The following C1RL variants were observed in gnomAD, a reference collection of about 807,000 sequenced individuals.
C1RL encodes the protein complement C1r subcomponent like.
Under a neutral mutation model 27.9 loss-of-function variants are expected in C1RL, and 27 were observed. The observed-to-expected ratio is 0.97, with a 90% CI of 0.71 to 1.33. C1RL has a LOEUF of 1.33. Ranked by LOEUF, C1RL falls within the 40% of genes most tolerant of loss-of-function variation. The pLI is 0.00. For missense variants in C1RL, 563 were observed against 623.9 expected, an observed-to-expected ratio of 0.90 and a Z score of 1.04; for synonymous variants, 248 against 252.1, an observed-to-expected ratio of 0.98 and a Z score of 0.15.
intron 1 of C1RL, 38 bp downstream of exon 1, chr12:7,109,072 C>T (rs752058498): frequency 8.6e-6 from 13 of 1,505,222 alleles, no homozygotes; most frequent in South Asian, 2.4e-5. Flanking sequence ...CTTCCCCTCC[C>T]GTCCTCTTCC....
rs377513968 is a variant in C1RL at position 7,096,310 on chromosome 12, C to T, written c.*81G>A. The T allele has an allele frequency of 2.5e-5, 34 of 1,381,962 alleles. No homozygotes were observed. The African/African-American group carries it at 2.5e-4, about 10-fold the overall frequency. 85.6% of individuals were successfully genotyped at this position (1,381,962 alleles called of 1,614,324 possible). A position where few individuals can be genotyped will look rare whatever the true frequency, so the allele number is the denominator to read the frequency against. On this transcript the variant is annotated 3_prime_UTR_variant, in exon 6 of 6. Coordinates refer to ENST00000266542, the MANE Select transcript of C1RL (RefSeq NM_016546.4). ...CAACCCCCCACCCCCAACCCCTACC[C>T]CAGTGTTCAGTCCTCACTCCAGGCC...
intron 5 of C1RL, 99 bp downstream of exon 5, chr12:7,099,587 C>G (rs1270911264): frequency 6.7e-7 from 1 of 1,485,668 alleles, no homozygotes; most frequent in African/African-American, 1.4e-5. Flanking sequence ...TTCTTATCTT[C>G]CTTTCTATTC....
intron 2 of C1RL, among the ~76,000 whole-genome samples, chr12:7,106,481 C>T (rs1485135008): frequency 6.6e-6 from 1 of 151,798 alleles, no homozygotes; most frequent in African/African-American, 2.4e-5. Flanking sequence ...AAAGGAAATC[C>T]CCAGAAAGAG....
Position 7,096,453 on chromosome 12 carries a change from A to G in C1RL, c.1402T>C (p.Phe468Leu), listed in dbSNP as rs541295800. 2 of 1,613,970 alleles carry G rather than the reference A, an allele frequency of 1.2e-6. No homozygotes were observed. Among genetic ancestry groups the G allele is most frequent in the East Asian group, 4.5e-5 (2 of 44,886 alleles). The change falls in exon 6 of 6, where the codon TTC becomes CTC. Residue 468 changes from phenylalanine (F) to leucine (L), a missense_variant. Phe to Leu is a conservative substitution (Grantham distance 22). Transcript: ENST00000266542. The stretch of plus-strand genomic sequence containing the variant: ...ACATAGCTGAGCACCTTGGTGTAGA[A>G]GTCATACCCTTCGCCACACCCTATG... ...WGIGCGEGYDFYTKVLSYVDW... is the reference protein window; with the variant it reads ...WGIGCGEGYDLYTKVLSYVDW...
In C1RL at chr12:7,096,699, T is replaced by A; in HGVS notation, c.1156A>T (p.Thr386Ser). ...AGCCTCGAGTACTTCAGCTCAGTAG[T>A]TAGCCAGCCCATCTCCATGCCAAAC... ...SGFGMEMGWLTTELKYSRLPV... is the reference protein window; with the variant it reads ...SGFGMEMGWLSTELKYSRLPV... Residue 386 changes from threonine (T) to serine (S), a missense_variant, in exon 6 of 6, where the codon ACT becomes TCT. Physicochemically the swap from Thr to Ser is moderately conservative, Grantham distance 58. Coordinates refer to ENST00000266542, the MANE Select transcript of C1RL (RefSeq NM_016546.4). The A allele has an allele frequency of 6.2e-7, 1 of 1,614,036 alleles. No homozygotes were observed. The highest frequency in any genetic ancestry group is 8.5e-7 in the Non-Finnish European group (1 of 1,179,970).
At chr12:7,099,489 T>C (rs11043785) in intron 5 of C1RL, 197 bp downstream of exon 5, 140,293 of 978,760 alleles carry the variant, frequency 0.14, 10,823 homozygotes, top group East Asian at 0.42. Context: ...TCCTCAGATA[T>C]ATCTTGACCC....
Position 7,109,081 on chromosome 12 carries a change from CCCT to C in C1RL, c.71+26_71+28del, listed in dbSNP as rs984509532. The C allele has an allele frequency of 1.9e-5, 30 of 1,551,796 alleles. No homozygotes were observed. In the African/African-American group the frequency reaches 3.7e-4, roughly 19 times the overall value. On this transcript the variant is annotated intron_variant, in intron 1 of 5. Transcript: ENST00000266542. ...CTTTCTCTTCCCCTCCCGTCCTCTTCCCTCCTCCTCTGCCGGGGCCACACTCAC... is the reference window on the plus strand; with the variant it reads ...CTTTCTCTTCCCCTCCCGTCCTCTTCCCTCCTCTGCCGGGGCCACACTCAC...
At chr12:7,106,864 T>C (rs917011313) in intron 2 of C1RL, among the ~76,000 whole-genome samples, 4 of 152,228 alleles carry the variant, frequency 2.6e-5, no homozygotes, top group African/African-American at 9.6e-5. Context: ...GTCATAATAA[T>C]GTAAATAATG....
chr12:7,102,195 C>G, intron 2 of C1RL, 108 bp from the exon 3 acceptor site: 6 of 1,165,980 alleles, frequency 5.1e-6, no homozygotes, highest in South Asian at 4.3e-5. Flanking sequence ...TCTAGACGGG[C>G]CGTGCCCCTC....
At chr12:7,108,994 G>GTGTGTGTGTGTGTGTGTGTGTGTCT in intron 1 of C1RL, 116 bp downstream of exon 1, 11 of 382,722 alleles carry the variant, frequency 2.9e-5, no homozygotes, top group South Asian at 2.1e-5. Flanking sequence ...TGTGTGGGGG[G>GTGTGTGTGTGTGTGTGTGTGTGTCT]GGGGGGGATG....
In C1RL at chr12:7,094,928, CAG is replaced by C. The variant is rs1938384368; in HGVS notation, c.*1461_*1462del. The C allele has an allele frequency of 2.4e-5, 26 of 1,081,318 alleles. No individual in the cohort carries two copies. The highest frequency in any genetic ancestry group is 2.9e-5 in the Non-Finnish European group (26 of 885,524). The allele number at this position is 1,081,318 out of a possible 1,614,324, so 67.0% of individuals were successfully genotyped here. A position where few individuals can be genotyped will look rare whatever the true frequency, so the allele number is the denominator to read the frequency against. On this transcript the variant is annotated 3_prime_UTR_variant, in exon 6 of 6. Coordinates refer to ENST00000266542, the MANE Select transcript of C1RL (RefSeq NM_016546.4). Reference sequence around the variant, plus strand: ...TTGTACTGTATGTGGGTGTAAAAAACAGAAGTAATCACATGTATGTACAACTT... The same window carrying C: ...TTGTACTGTATGTGGGTGTAAAAAACAAGTAATCACATGTATGTACAACTT...
chr12:7,108,488 T>TGGGGG lies in C1RL; in HGVS notation c.72-14_72-10dup. 6.4e-7 allele frequency: 1 copy of TGGGGG among 1,573,086 alleles called. No individual in the cohort carries two copies. Among genetic ancestry groups the TGGGGG allele is most frequent in the South Asian group, 1.2e-5 (1 of 86,104 alleles). ...AGAGAAGCAGCCACCACCTGTGAGT[T>TGGGGG]GGGGGGAGGGCAAGGTGGGGCCGCG... is the stretch of plus-strand genomic sequence containing the variant. On this transcript the variant is annotated splice_polypyrimidine_tract_variant and intron_variant, in intron 1 of 5. Transcript: ENST00000266542.
intron 2 of C1RL, among the ~76,000 whole-genome samples, chr12:7,107,413 T>A (rs752344504): frequency 1.4e-4 from 22 of 152,066 alleles, no homozygotes; most frequent in Non-Finnish European, 2.8e-4. Context: ...CAAGTGCTTC[T>A]TTCGCCTCAG....
In C1RL at chr12:7,096,378, C is replaced by A; in HGVS notation, c.*13G>T. 2 of 1,398,260 alleles carry A rather than the reference C, an allele frequency of 1.4e-6. No individual in the cohort carries two copies. The highest frequency in any genetic ancestry group is 9.5e-7 in the Non-Finnish European group (1 of 1,048,132). 86.6% of individuals were successfully genotyped at this position (1,398,260 alleles called of 1,614,324 possible). On this transcript the variant is annotated 3_prime_UTR_variant, in exon 6 of 6. Coordinates refer to ENST00000266542, the MANE Select transcript of C1RL (RefSeq NM_016546.4). ...TCCACTGTGCTGGTCAGTCCCTGTT[C>A]AAGCCCCCAGGGTCAATTCTTGCCA...
Position 7,095,041 on chromosome 12 carries a change from C to T in C1RL, c.*1350G>A. On this transcript the variant is annotated 3_prime_UTR_variant, in exon 6 of 6. Transcript: ENST00000266542. ...GATGCTAACAAATTACCTCTCTTCTCTCTTTTATGGTGTTTATTTTCTATT... is the reference window on the plus strand; with the variant it reads ...GATGCTAACAAATTACCTCTCTTCTTTCTTTTATGGTGTTTATTTTCTATT... The T allele has an allele frequency of 8.7e-7, 1 of 1,143,248 alleles. No individual in the cohort carries two copies. The highest frequency in any genetic ancestry group is 1.7e-5 in the South Asian group (1 of 59,420). 70.8% of individuals were successfully genotyped at this position (1,143,248 alleles called of 1,614,324 possible).
In C1RL at chr12:7,095,584, C is replaced by T. The variant is rs1032246258; in HGVS notation, c.*807G>A. 19 of 985,614 alleles carry T rather than the reference C, an allele frequency of 1.9e-5. No homozygotes were observed. Among genetic ancestry groups the T allele is most frequent in the Non-Finnish European group, 2.3e-5 (19 of 830,194 alleles). The allele number at this position is 985,614 out of a possible 1,614,324, so 61.1% of individuals were successfully genotyped here. On this transcript the variant is annotated 3_prime_UTR_variant, in exon 6 of 6. Transcript: ENST00000266542. ...TAGGAAAGTGTGAGCTAGAGGATACCATTTTCGCAGAAGCAGGAATTCCCA... is the reference window on the plus strand; with the variant it reads ...TAGGAAAGTGTGAGCTAGAGGATACTATTTTCGCAGAAGCAGGAATTCCCA...
At chr12:7,097,526 C>T (rs1036218263) in intron 5 of C1RL, among the ~76,000 whole-genome samples, 1 of 152,126 alleles carries the variant, frequency 6.6e-6, no homozygotes, top group Admixed American at 6.5e-5. Flanking sequence ...CAGTGTTCCA[C>T]CCGCCTCTGC....
chr12:7,105,445 T>C (rs1938740412), intron 2 of C1RL, among the ~76,000 whole-genome samples: 1 of 152,134 alleles, frequency 6.6e-6, no homozygotes. Context: ...AATTTTTGTA[T>C]TTTTAGTAGA....
intron 2 of C1RL, among the ~76,000 whole-genome samples, chr12:7,103,508 T>C (rs1354704253): frequency 6.6e-6 from 1 of 152,222 alleles, no homozygotes; most frequent in Non-Finnish European, 1.5e-5. Context: ...TGAGGATGGA[T>C]ACTCAATACC....
Sources: allele counts gnomAD v4.1 joint callset (sites outside exome capture counted in the v4.1 genomes callset), GRCh38; gene constraint gnomAD v4.1.1; transcripts MANE v1.5; gene names NCBI Gene and HGNC (gene_info 2026-07-23, HGNC 2026-07-21).